The following SMOC2 variants were observed in gnomAD, a reference collection of about 807,000 sequenced individuals.
The protein encoded by SMOC2 is SPARC related modular calcium binding 2, also known as SPARC-related modular calcium-binding protein 2.
In SMOC2, 39 loss-of-function variants were observed where a neutral mutation model predicts 61.4. The observed-to-expected ratio is 0.64, with a 90% CI of 0.49 to 0.83. SMOC2 has a LOEUF of 0.83. Among genes scored for constraint, SMOC2 ranks in the 40% least tolerant of loss-of-function variants. SMOC2 has a pLI of 0.00. For synonymous variants in SMOC2, 247 were observed against 239.9 expected, an observed-to-expected ratio of 1.03 and a Z score of -0.27; for missense variants, 556 against 592.9, an observed-to-expected ratio of 0.94 and a Z score of 0.65.
chr6:168,620,706 G>T (rs998958030), intron 9 of SMOC2, among the ~76,000 whole-genome samples: 1 of 152,154 alleles, frequency 6.6e-6, no homozygotes, highest in African/African-American at 2.4e-5. Context: ...AGGAGTGAAC[G>T]TGAGAAATCA....
intron 1 of SMOC2, among the ~76,000 whole-genome samples, chr6:168,464,052 G>A (rs1781770501): frequency 6.6e-6 from 1 of 151,972 alleles, no homozygotes; most frequent in South Asian, 2.1e-4. Context: ...TTCGCCAAGT[G>A]TGGTGGTGCA....
chr6:168,507,238 A>T (rs1331152447), intron 1 of SMOC2, among the ~76,000 whole-genome samples: 1 of 152,160 alleles, frequency 6.6e-6, no homozygotes, highest in African/African-American at 2.4e-5. Context: ...CATAGAGACC[A>T]CCTCTTAAAC....
chr6:168,481,673 G>T (rs1193722137), intron 1 of SMOC2, among the ~76,000 whole-genome samples: 3 of 151,872 alleles, frequency 2.0e-5, no homozygotes, highest in Non-Finnish European at 4.4e-5. Context: ...CCTTTTATCA[G>T]AAATTAATTT....
In SMOC2 at chr6:168,610,847, C is replaced by T. The variant is rs185534246; in HGVS notation, c.907+2608C>T. On this transcript the variant is annotated intron_variant, in intron 9 of 12. Coordinates refer to ENST00000356284, the MANE Select transcript of SMOC2 (RefSeq NM_001166412.2). ...GTCACCGTTTTGGCTTTTGAAGGTT[C>T]TTCTTTCATTGTGTAGGTTTCCTCC... Among the ~76,000 whole-genome samples the T allele has an allele frequency of 2.0e-5, 3 of 152,312 alleles. No homozygotes were observed. The East Asian group carries it at 5.8e-4, about 29-fold the overall frequency.
At chr6:168,496,164 C>T (rs1051763297) in intron 1 of SMOC2, among the ~76,000 whole-genome samples, 13 of 152,120 alleles carry the variant, frequency 8.5e-5, no homozygotes, top group African/African-American at 2.9e-4. Flanking sequence ...AGGATTTGTT[C>T]GATTGGTCAC....
rs2115112371 is a variant in SMOC2, at chr6:168,553,393, G to A, written c.637+4190G>A. ...CTAGTTACAAGATTTTATCAGATAA[G>A]ACATTTTGTAAGATACAGTCTTTTA... is the stretch of plus-strand genomic sequence containing the variant. On this transcript the variant is annotated intron_variant, in intron 7 of 12. Coordinates refer to ENST00000356284, the MANE Select transcript of SMOC2 (RefSeq NM_001166412.2). The surrounding 1 kb of genome is among the most constrained non-coding windows in gnomAD (Gnocchi z 4.2). Among the ~76,000 whole-genome samples, 1 of 152,270 alleles carries A rather than the reference G, an allele frequency of 6.6e-6. No individual in the cohort carries two copies.
At chr6:168,468,044 G>A (rs1781884099) in intron 1 of SMOC2, among the ~76,000 whole-genome samples, 1 of 152,162 alleles carries the variant, frequency 6.6e-6, no homozygotes, top group African/African-American at 2.4e-5. Flanking sequence ...AATAGTGGAT[G>A]CATTTCACTG....
chr6:168,653,303 C>T (rs978450355), intron 11 of SMOC2, 75 bp downstream of exon 11: 1 of 1,516,840 alleles, frequency 6.6e-7, no homozygotes, highest in Non-Finnish European at 8.9e-7. Flanking sequence ...CTCACAAACA[C>T]AATTACAGAT....
At chr6:168,629,553 G>A (rs1164208733) in intron 9 of SMOC2, among the ~76,000 whole-genome samples, 4 of 152,350 alleles carry the variant, frequency 2.6e-5, no homozygotes, top group African/African-American at 4.8e-5. Context: ...ATTACTGTCC[G>A]CAAATCATTT....
At chr6:168,582,816 G>A (rs1243783531) in intron 7 of SMOC2, among the ~76,000 whole-genome samples, 1 of 152,292 alleles carries the variant, frequency 6.6e-6, no homozygotes, top group South Asian at 2.1e-4. Flanking sequence ...CAAACGAACC[G>A]ACACGCACGG....
At chr6:168,517,364 C>A (rs573752346) in intron 2 of SMOC2, among the ~76,000 whole-genome samples, 1 of 152,216 alleles carries the variant, frequency 6.6e-6, no homozygotes, top group South Asian at 2.1e-4. Flanking sequence ...AGCCGCCTCA[C>A]GCCTGCTCCT....
chr6:168,665,078 G>C lies in SMOC2; in HGVS notation c.1323+967G>C, dbSNP rs56847579. The stretch of plus-strand genomic sequence containing the variant: ...TATGGTTTTAACTTTAAATCTCACC[G>C]CAAATCACTTACACTTGAAAACAGG... On this transcript the variant is annotated intron_variant, in intron 12 of 12. Transcript: ENST00000356284. 1.1e-3 allele frequency: 319 copies of C among 283,222 alleles called. 1 individual carries two copies. Among genetic ancestry groups the C allele is most frequent in the Middle Eastern group, 3.7e-3 (3 of 812 alleles). The allele number at this position is 283,222 out of a possible 1,614,324, so 17.5% of individuals were successfully genotyped here. A position where few individuals can be genotyped will look rare whatever the true frequency, so the allele number is the denominator to read the frequency against.
At chr6:168,454,007 T>C (rs1471241004) in intron 1 of SMOC2, among the ~76,000 whole-genome samples, 1 of 152,188 alleles carries the variant, frequency 6.6e-6, no homozygotes, top group Non-Finnish European at 1.5e-5. Context: ...TGTCTCGATC[T>C]CTCTCTGTCC....
intron 11 of SMOC2, among the ~76,000 whole-genome samples, chr6:168,663,079 A>G (rs149854768): frequency 1.3e-5 from 2 of 151,680 alleles, no homozygotes; most frequent in African/African-American, 4.8e-5. Flanking sequence ...AGCTATTTGT[A>G]TCCTTGGGAG....
chr6:168,476,909 C>T lies in SMOC2; in HGVS notation c.85-33006C>T, dbSNP rs138624034. On this transcript the variant is annotated intron_variant, in intron 1 of 12. Coordinates refer to ENST00000356284, the MANE Select transcript of SMOC2 (RefSeq NM_001166412.2). ...GAAACATTTGGAACTGCTTGGAGCA[C>T]GTCACTCCTTCAAGTTGAGCATCAG... is the stretch of plus-strand genomic sequence containing the variant. Among the ~76,000 whole-genome samples the T allele has an allele frequency of 9.3e-5, 14 of 151,100 alleles. No individual in the cohort carries two copies. The East Asian group carries it at 9.6e-4, about 10-fold the overall frequency.
chr6:168,619,002 C>T (rs1211112628), intron 9 of SMOC2, among the ~76,000 whole-genome samples: 2 of 152,098 alleles, frequency 1.3e-5, no homozygotes, highest in Non-Finnish European at 2.9e-5. Context: ...CAGGAATTTG[C>T]TAGAATATCA....
chr6:168,541,417 A>G (rs1350686954), intron 4 of SMOC2, among the ~76,000 whole-genome samples: 1 of 152,194 alleles, frequency 6.6e-6, no homozygotes, highest in Non-Finnish European at 1.5e-5. Flanking sequence ...ACAGCCGGCA[A>G]TCTTGCTTGT....
At chr6:168,501,560 GT>G (rs1782729614) in intron 1 of SMOC2, among the ~76,000 whole-genome samples, 1 of 152,172 alleles carries the variant, frequency 6.6e-6, no homozygotes. Flanking sequence ...AGAATGTGAG[GT>G]GGGGGGAAGA....
At chr6:168,548,979 A>G (rs945788726) in intron 6 of SMOC2, 150 bp from the exon 7 acceptor site, 8 of 621,206 alleles carry the variant, frequency 1.3e-5, no homozygotes, top group Non-Finnish European at 2.3e-5. Flanking sequence ...TCTGAGGCAT[A>G]TAATCAGTGT....
Sources: gnomAD v4.1 joint callset for allele counts (sites outside exome capture counted in the v4.1 genomes callset) on GRCh38, gnomAD v4.1.1 for gene constraint, Gnocchi (gnomAD v3.1) non-coding constraint, MANE v1.5 for transcripts, NCBI Gene and HGNC (gene_info 2026-07-23, HGNC 2026-07-21) for gene names.